Variants in CRB1 observed in about 807,000 individuals in gnomAD.
CRB1 encodes the protein crumbs cell polarity complex component 1, also known as protein crumbs homolog 1.
Under a neutral mutation model 120.0 loss-of-function variants are expected in CRB1, and 83 were observed. The observed-to-expected ratio is 0.69, with a 90% CI of 0.58 to 0.83. CRB1 has a LOEUF of 0.83. CRB1 is among the 40% of genes least tolerant of loss of function. CRB1 has a pLI of 0.00. For missense variants in CRB1, 1,699 were observed against 1,687.6 expected (o/e 1.01, Z -0.12); for synonymous variants, 625 against 612.5 (o/e 1.02, Z -0.30).
chr1:197,235,342 CAGAG>C, the CRB1 span, among the ~76,000 whole-genome samples: 1 of 152,100 alleles, frequency 6.6e-6, no homozygotes, highest in Non-Finnish European at 1.5e-5. Context: ...AGATAGCAGT[CAGAG>C]AGAGAACTCA....
chr1:197,337,795 A>G (rs564709529), intron 2 of CRB1, among the ~76,000 whole-genome samples: 35 of 152,232 alleles, frequency 2.3e-4, no homozygotes, highest in African/African-American at 7.7e-4. Context: ...TCTCTGCCAC[A>G]CTTATAAATT....
chr1:197,429,403 T>C (rs372168699), intron 7 of CRB1, 46 bp from the exon 8 acceptor site: 3 of 1,600,458 alleles, frequency 1.9e-6, no homozygotes, highest in Non-Finnish European at 1.7e-6. Context: ...CATTTTTCTA[T>C]TTAGTTGCCA....
chr1:197,201,519 C>A, the CRB1 span, among the ~76,000 whole-genome samples: 1 of 152,184 alleles, frequency 6.6e-6, no homozygotes, highest in Non-Finnish European at 1.5e-5. Context: ...CCCTCGGAGA[C>A]CCTAGCTACA....
chr1:197,449,626 A>G (rs1665862272), intron 11 of CRB1, among the ~76,000 whole-genome samples: 1 of 152,190 alleles, frequency 6.6e-6, no homozygotes, highest in South Asian at 2.1e-4. Flanking sequence ...TCGGCCTCCC[A>G]AAGTGCTGGA....
At chr1:197,426,333 A>C (rs1664580979) in intron 6 of CRB1, among the ~76,000 whole-genome samples, 1 of 152,002 alleles carries the variant, frequency 6.6e-6, no homozygotes, top group African/African-American at 2.4e-5. Context: ...ACTTTCTCAG[A>C]GTTCCTCCCT....
At chr1:197,444,130 C>A (rs1665588851) in intron 11 of CRB1, 1 of 152,048 alleles carries the variant, frequency 6.6e-6, no homozygotes, top group Admixed American at 6.6e-5. Flanking sequence ...TTAAATATAC[C>A]ATTCAAACAA....
chr1:197,216,103 C>T, the CRB1 span, among the ~76,000 whole-genome samples: 1 of 152,134 alleles, frequency 6.6e-6, no homozygotes, highest in Non-Finnish European at 1.5e-5. Flanking sequence ...TGTAGAGTTT[C>T]CTTTCCTTAG....
At chr1:197,358,864 G>A (rs1660625668) in intron 5 of CRB1, among the ~76,000 whole-genome samples, 1 of 152,064 alleles carries the variant, frequency 6.6e-6, no homozygotes, top group Non-Finnish European at 1.5e-5. Flanking sequence ...GTCTTTCTGT[G>A]TACCTAAAAT....
chr1:197,242,619 G>C, the CRB1 span, among the ~76,000 whole-genome samples: 4 of 152,118 alleles, frequency 2.6e-5, no homozygotes, highest in African/African-American at 9.7e-5. Context: ...GTTCATCAGA[G>C]ATATTGGCCT....
At chr1:197,289,601 T>C (rs1415575688) in intron 1 of CRB1, among the ~76,000 whole-genome samples, 1 of 151,868 alleles carries the variant, frequency 6.6e-6, no homozygotes, top group Admixed American at 6.6e-5. Flanking sequence ...TATGGTCTCT[T>C]CGCCATTCTC....
chr1:197,461,796 T>C (rs1666544361), intron 11 of CRB1, among the ~76,000 whole-genome samples: 1 of 152,174 alleles, frequency 6.6e-6, no homozygotes, highest in Non-Finnish European at 1.5e-5. Flanking sequence ...TATCAGACCT[T>C]ACTCATCATT....
intron 6 of CRB1, among the ~76,000 whole-genome samples, chr1:197,423,954 A>G (rs1664457288): frequency 6.6e-6 from 1 of 152,166 alleles, no homozygotes; most frequent in African/African-American, 2.4e-5. Flanking sequence ...TCTTGTGTTG[A>G]CTGTTTGTAA....
intron 4 of CRB1, among the ~76,000 whole-genome samples, chr1:197,354,180 A>T (rs544998380): frequency 1.0e-3 from 152 of 152,356 alleles, no homozygotes; most frequent in African/African-American, 3.6e-3. Context: ...CCACATTCAC[A>T]ATCATCCACT....
chr1:197,300,603 T>TA (rs1229522809), intron 1 of CRB1, among the ~76,000 whole-genome samples: 4 of 150,468 alleles, frequency 2.7e-5, no homozygotes, highest in Non-Finnish European at 4.4e-5. Context: ...CTCCATAACA[T>TA]AAGAGTGCAA....
the CRB1 span, among the ~76,000 whole-genome samples, chr1:197,234,394 T>G: frequency 2.0e-5 from 3 of 152,218 alleles, no homozygotes; most frequent in African/African-American, 7.2e-5. Context: ...ACAGCCCATG[T>G]AGTGAGGAAC....
At chr1:197,216,066 C>G in the CRB1 span, among the ~76,000 whole-genome samples, 3 of 152,288 alleles carry the variant, frequency 2.0e-5, no homozygotes, top group East Asian at 3.9e-4. Flanking sequence ...ACAGCATGCT[C>G]TTTTGCCTCC....
At chr1:197,310,311 C>A (rs550767985) in intron 1 of CRB1, among the ~76,000 whole-genome samples, 1 of 152,272 alleles carries the variant, frequency 6.6e-6, no homozygotes, top group South Asian at 2.1e-4. Flanking sequence ...ACCCTGACAT[C>A]TTCCAGGCCT....
chr1:197,237,223 T>C, the CRB1 span, among the ~76,000 whole-genome samples: 1 of 152,214 alleles, frequency 6.6e-6, no homozygotes, highest in Non-Finnish European at 1.5e-5. Flanking sequence ...TTATTACATA[T>C]TACCTTTCTC....
At chr1:197,220,652 A>C in the CRB1 span, among the ~76,000 whole-genome samples, 1 of 152,212 alleles carries the variant, frequency 6.6e-6, no homozygotes, top group African/African-American at 2.4e-5. Flanking sequence ...TCTTAGCATA[A>C]TTATTGATAT....
Sources: gnomAD v4.1 joint callset for allele counts (sites outside exome capture counted in the v4.1 genomes callset) on GRCh38, gnomAD v4.1.1 for gene constraint, MANE v1.5 for transcripts, NCBI Gene and HGNC (gene_info 2026-07-23, HGNC 2026-07-21) for gene names.